Variants in CABCOCO1 observed in about 807,000 individuals in gnomAD.
CABCOCO1 encodes ciliary associated calcium binding coiled-coil 1, also known as ciliary-associated calcium-binding coiled-coil protein 1.
A neutral mutation model predicts 35.7 loss-of-function variants in CABCOCO1; 28 were observed. The ratio of observed to expected loss-of-function variants is 0.78; its 90% confidence interval spans 0.58 to 1.07. The LOEUF (loss-of-function observed/expected upper bound fraction) is 1.07. CABCOCO1 is among the 50% of genes least tolerant of loss of function. The pLI, the probability that CABCOCO1 is intolerant of heterozygous loss-of-function variation, is 0.00. For missense variants in CABCOCO1, 326 were observed against 309.2 expected (o/e 1.05, Z -0.41); for synonymous variants, 95 against 100.1 (o/e 0.95, Z 0.30).
rs547971810 is a variant in CABCOCO1, at chr10:61,726,779, C to G, written c.553-33280C>G. On this transcript the variant is annotated intron_variant, in intron 5 of 7. Transcript: ENST00000648843. ...GCACTTGTATAAATTATAATAAGGC[C>G]AGGCACAGTGGCTCACTCCTGTAAT... 2.0e-4 allele frequency among the ~76,000 whole-genome samples: 30 copies of G among 151,606 alleles called. No homozygotes were observed. The South Asian group carries it at 5.8e-3, about 29-fold the overall frequency.
At chr10:61,765,867 C>G (rs897634955) in intron 7 of CABCOCO1, 72 bp from the exon 8 acceptor site, 1 of 1,422,584 alleles carries the variant, frequency 7.0e-7, no homozygotes. Context: ...TATAGTATGT[C>G]AAAACCACAA....
chr10:61,703,247 C>T (rs1589131277), intron 5 of CABCOCO1, among the ~76,000 whole-genome samples: 1 of 151,526 alleles, frequency 6.6e-6, no homozygotes, highest in Non-Finnish European at 1.5e-5. Flanking sequence ...CACACACACA[C>T]ACACACACAC....
intron 5 of CABCOCO1, among the ~76,000 whole-genome samples, chr10:61,718,917 T>C (rs1224523302): frequency 6.6e-6 from 1 of 152,182 alleles, no homozygotes; most frequent in African/African-American, 2.4e-5. Flanking sequence ...TGCTTAGAAA[T>C]TGATTTCCAA....
At chr10:61,702,538 A>G (rs1002887316) in intron 5 of CABCOCO1, among the ~76,000 whole-genome samples, 10 of 152,176 alleles carry the variant, frequency 6.6e-5, no homozygotes, top group Admixed American at 5.2e-4. Context: ...GTGAATGCAG[A>G]CTTACATGTT....
intron 5 of CABCOCO1, among the ~76,000 whole-genome samples, chr10:61,725,437 G>T (rs1182719783): frequency 6.6e-6 from 1 of 152,072 alleles, no homozygotes; most frequent in Non-Finnish European, 1.5e-5. Context: ...CCATAAAAAA[G>T]GATGAGTTCA....
At chr10:61,680,700 ATGTTATACATGTATAAC>A (rs1839753432) in intron 2 of CABCOCO1, among the ~76,000 whole-genome samples, 2 of 120,946 alleles carry the variant, frequency 1.7e-5, no homozygotes, top group Admixed American at 1.8e-4. Context: ...TAACATATAT[ATGTTATACATGTATAAC>A]ATATATATTA....
intron 5 of CABCOCO1, among the ~76,000 whole-genome samples, chr10:61,732,687 T>C (rs547858348): frequency 1.3e-5 from 2 of 152,216 alleles, no homozygotes; most frequent in African/African-American, 2.4e-5. Context: ...TTAATAAAAC[T>C]GTCTATTCAG....
intron 5 of CABCOCO1, among the ~76,000 whole-genome samples, chr10:61,733,074 CA>C (rs1841341068): frequency 6.6e-6 from 1 of 151,928 alleles, no homozygotes; most frequent in African/African-American, 2.4e-5. Flanking sequence ...CTAGATGTAC[CA>C]TTGCAAGTAG....
At chr10:61,719,345 G>T (rs938558094) in intron 5 of CABCOCO1, among the ~76,000 whole-genome samples, 2 of 151,988 alleles carry the variant, frequency 1.3e-5, no homozygotes, top group Non-Finnish European at 2.9e-5. Flanking sequence ...CAATTATTAG[G>T]TGCAATATTA....
chr10:61,766,614 TG>T lies in CABCOCO1; in HGVS notation c.*602del, dbSNP rs1430173432. On this transcript the variant is annotated 3_prime_UTR_variant, in exon 8 of 8. Coordinates refer to ENST00000648843, the MANE Select transcript of CABCOCO1 (RefSeq NM_001366906.2). ...CAGTTTGAAGCACTTTAATTTATTC[TG>T]TACTGTATTTGTTATTTCTAATCTT... The T allele has an allele frequency of 4.1e-4, 63 of 152,270 alleles. No homozygotes were observed. Among genetic ancestry groups the T allele is most frequent in the African/African-American group, 1.4e-3 (60 of 41,580 alleles). The allele number at this position is 152,270 out of a possible 1,614,324, so 9.4% of individuals were successfully genotyped here.
chr10:61,701,986 A>G (rs1008131164), intron 5 of CABCOCO1: 40 of 217,648 alleles, frequency 1.8e-4, no homozygotes, highest in Non-Finnish European at 3.0e-4. Flanking sequence ...CTAAATATAG[A>G]AGTAGCCAGA....
intron 5 of CABCOCO1, among the ~76,000 whole-genome samples, chr10:61,722,515 TA>T (rs1036396630): frequency 2.0e-5 from 3 of 151,476 alleles, no homozygotes; most frequent in Non-Finnish European, 4.4e-5. Flanking sequence ...TGTGAAACAA[TA>T]AAAAAAGAAT....
chr10:61,708,849 A>G (rs1348707242), intron 5 of CABCOCO1, among the ~76,000 whole-genome samples: 1 of 152,154 alleles, frequency 6.6e-6, no homozygotes, highest in Non-Finnish European at 1.5e-5. Flanking sequence ...TACTCCATAA[A>G]TTTTATTTTC....
intron 5 of CABCOCO1, among the ~76,000 whole-genome samples, chr10:61,747,900 G>A (rs920569159): frequency 2.5e-4 from 38 of 152,236 alleles, no homozygotes; most frequent in African/African-American, 9.1e-4. Context: ...ATGCAAGTGT[G>A]AAAACCAGAA....
intron 5 of CABCOCO1, among the ~76,000 whole-genome samples, chr10:61,726,977 G>T (rs550392418): frequency 1.3e-5 from 2 of 151,752 alleles, no homozygotes; most frequent in Non-Finnish European, 2.9e-5. Context: ...CACAAGAATT[G>T]CTTGAGCCTG....
At position 61,672,614 on chromosome 10, in the gene CABCOCO1, C is replaced by T. The variant is rs960656413; in HGVS notation, c.61-18C>T. 2.3e-5 allele frequency: 16 copies of T among 691,778 alleles called. No individual in the cohort carries two copies. Among genetic ancestry groups the T allele is most frequent in the Non-Finnish European group, 2.7e-5 (15 of 562,324 alleles). 42.9% of individuals were successfully genotyped at this position (691,778 alleles called of 1,614,324 possible). A position where few individuals can be genotyped will look rare whatever the true frequency, so the allele number is the denominator to read the frequency against. ...AACGTACAATTAAAGTAACTCACTC[C>T]ACATTGTGTTTTGGTAGAGAGACAC... is the stretch of plus-strand genomic sequence containing the variant. On this transcript the variant is annotated intron_variant, in intron 1 of 7. Coordinates refer to ENST00000648843, the MANE Select transcript of CABCOCO1 (RefSeq NM_001366906.2).
intron 5 of CABCOCO1, among the ~76,000 whole-genome samples, chr10:61,738,051 A>AT (rs1183880171): frequency 6.9e-6 from 1 of 144,142 alleles, no homozygotes. Flanking sequence ...AAAATATCTT[A>AT]TTTAAAAAAA....
At chr10:61,730,736 A>G (rs1247956250) in intron 5 of CABCOCO1, among the ~76,000 whole-genome samples, 2 of 152,124 alleles carry the variant, frequency 1.3e-5, no homozygotes, top group Non-Finnish European at 2.9e-5. Context: ...CTAAGTAATA[A>G]ACATTCATAA....
intron 3 of CABCOCO1, 45 bp downstream of exon 3, chr10:61,681,357 C>A: frequency 1.5e-6 from 2 of 1,369,868 alleles, no homozygotes; most frequent in East Asian, 2.4e-5. Context: ...TTTAATTTAC[C>A]ATATAAATTG....
Sources: allele counts gnomAD v4.1 joint callset (sites outside exome capture counted in the v4.1 genomes callset), GRCh38; gene constraint gnomAD v4.1.1; transcripts MANE v1.5; gene names NCBI Gene and HGNC (gene_info 2026-07-23, HGNC 2026-07-21).